PARD3B: variants seen among roughly 807,000 people sequenced by gnomAD.
The protein encoded by PARD3B is par-3 family cell polarity regulator beta, also known as partitioning defective 3 homolog B.
A neutral mutation model predicts 130.2 loss-of-function variants in PARD3B; 103 were observed. The observed-to-expected ratio is 0.79, with a 90% CI of 0.67 to 0.93. The LOEUF is 0.93. Among genes scored for constraint, PARD3B ranks in the 40% least tolerant of loss-of-function variants. The probability of loss-of-function intolerance (pLI) is 0.00; values close to 1 mark genes in which losing one functional copy is unlikely to be tolerated. For missense variants in PARD3B, 1,609 were observed against 1,499.2 expected, an observed-to-expected ratio of 1.07 and a Z score of -1.21; for synonymous variants, 583 against 553.2, an observed-to-expected ratio of 1.05 and a Z score of -0.76.
chr2:204,981,970 T>C (rs1692703604), intron 3 of PARD3B, among the ~76,000 whole-genome samples: 1 of 151,934 alleles, frequency 6.6e-6, no homozygotes, highest in African/African-American at 2.4e-5. Context: ...ATCAAGACAT[T>C]GTGTGTGTGT....
At chr2:204,726,365 G>T (rs1366601120) in intron 2 of PARD3B, among the ~76,000 whole-genome samples, 1 of 152,168 alleles carries the variant, frequency 6.6e-6, no homozygotes, top group African/African-American at 2.4e-5. Context: ...ACATTTTCAA[G>T]ATGGCACCCT....
chr2:204,740,509 G>T (rs2039965182), intron 2 of PARD3B, among the ~76,000 whole-genome samples: 1 of 152,180 alleles, frequency 6.6e-6, no homozygotes. Context: ...AGGAATTTAG[G>T]CAGGGTATGG....
At chr2:204,653,007 C>A (rs1436543935) in intron 1 of PARD3B, among the ~76,000 whole-genome samples, 1 of 151,018 alleles carries the variant, frequency 6.6e-6, no homozygotes, top group African/African-American at 2.5e-5. Flanking sequence ...TCTCCCGACA[C>A]ATGGGGATTA....
At chr2:204,952,727 G>T (rs567220150) in intron 2 of PARD3B, among the ~76,000 whole-genome samples, 5 of 152,060 alleles carry the variant, frequency 3.3e-5, no homozygotes, top group Non-Finnish European at 2.9e-5. Flanking sequence ...GGTCAGGCGC[G>T]GTGGCTCACG....
At chr2:204,773,135 T>C (rs13412019) in intron 2 of PARD3B, among the ~76,000 whole-genome samples, 14,934 of 151,956 alleles carry the variant, frequency 0.098, 1,364 homozygotes, top group African/African-American at 0.25. Context: ...TAAAAGATAA[T>C]TTTCTTTTTA....
At chr2:205,005,178 C>CACATAT (rs553443970) in intron 3 of PARD3B, among the ~76,000 whole-genome samples, 315 of 152,128 alleles carry the variant, frequency 2.1e-3, no homozygotes, top group African/African-American at 6.9e-3. Flanking sequence ...TACACACACA[C>CACATAT]ACATATACAC....
intron 3 of PARD3B, among the ~76,000 whole-genome samples, chr2:205,007,265 A>G (rs1695343558): frequency 6.6e-6 from 1 of 152,132 alleles, no homozygotes. Context: ...CTGAACTGTG[A>G]TTCAATTAAA....
At chr2:204,733,785 G>A (rs12987292) in intron 2 of PARD3B, among the ~76,000 whole-genome samples, 84,583 of 151,744 alleles carry the variant, frequency 0.56, 26,070 homozygotes, top group East Asian at 0.71. Context: ...TTAAGTGGAG[G>A]GAAAGGACAG....
At chr2:205,262,597 C>T (rs2105769122) in intron 16 of PARD3B, among the ~76,000 whole-genome samples, 2 of 152,168 alleles carry the variant, frequency 1.3e-5, no homozygotes, top group Middle Eastern at 6.8e-3. Context: ...GGGGAAGCAC[C>T]TTTTCCTATG....
intron 21 of PARD3B, among the ~76,000 whole-genome samples, chr2:205,520,212 A>G (rs749935556): frequency 6.6e-6 from 1 of 152,208 alleles, no homozygotes; most frequent in African/African-American, 2.4e-5. Context: ...GTAATCCCTC[A>G]GTGCAATCAG....
At chr2:205,566,871 C>A (rs1337348094) in intron 22 of PARD3B, among the ~76,000 whole-genome samples, 1 of 152,130 alleles carries the variant, frequency 6.6e-6, no homozygotes, top group African/African-American at 2.4e-5. Context: ...CTGCTTAGAT[C>A]GACAGCAAAG....
chr2:205,196,753 T>C (rs1253189586), intron 15 of PARD3B, among the ~76,000 whole-genome samples: 3 of 152,194 alleles, frequency 2.0e-5, no homozygotes, highest in East Asian at 3.9e-4. Flanking sequence ...TGAAATTTAG[T>C]CACATTGAAT....
chr2:205,057,018 C>A (rs980224789), intron 4 of PARD3B, among the ~76,000 whole-genome samples: 1 of 151,306 alleles, frequency 6.6e-6, no homozygotes, highest in Admixed American at 6.6e-5. Flanking sequence ...GTTTTGAGCA[C>A]CTGTCAAAAG....
At chr2:205,394,304 T>G (rs1291670822) in intron 18 of PARD3B, among the ~76,000 whole-genome samples, 1 of 152,214 alleles carries the variant, frequency 6.6e-6, no homozygotes, top group African/African-American at 2.4e-5. Context: ...TAAATTCTAC[T>G]AAGAGATCTC....
At chr2:204,681,335 T>C (rs1029405311) in intron 1 of PARD3B, among the ~76,000 whole-genome samples, 6 of 152,120 alleles carry the variant, frequency 3.9e-5, no homozygotes, top group African/African-American at 1.4e-4. Flanking sequence ...TAATTAAAGG[T>C]TTATAATTCT....
intron 16 of PARD3B, among the ~76,000 whole-genome samples, chr2:205,279,081 A>C (rs1345550685): frequency 3.3e-5 from 5 of 149,964 alleles, no homozygotes; most frequent in East Asian, 1.9e-4. Flanking sequence ...AAAAAAAAAA[A>C]AAAAAAAAAA....
chr2:204,610,889 A>G lies in PARD3B; in HGVS notation c.120+64770A>G, dbSNP rs1004103527. Among the ~76,000 whole-genome samples the G allele has an allele frequency of 3.9e-5, 6 of 152,200 alleles. No individual in the cohort carries two copies. Among genetic ancestry groups the G allele is most frequent in the African/African-American group, 9.6e-5 (4 of 41,456 alleles). ...ATTCAGTTGATATATGCTTGATACA[A>G]TTTACTCAGATTTTTGAAGATTCCA... On this transcript the variant is annotated intron_variant, in intron 1 of 22. Transcript: ENST00000406610. This position sits in a 1 kb window ranked among gnomAD's most constrained non-coding sequence, Gnocchi z 4.1.
chr2:205,182,658 A>G (rs771257291), intron 13 of PARD3B, among the ~76,000 whole-genome samples: 20 of 152,354 alleles, frequency 1.3e-4, no homozygotes, highest in Middle Eastern at 3.4e-3. Context: ...ATGCTATCCA[A>G]GAATTACTTT....
intron 2 of PARD3B, among the ~76,000 whole-genome samples, chr2:204,904,202 G>T (rs1172718813): frequency 6.6e-6 from 1 of 151,988 alleles, no homozygotes; most frequent in Admixed American, 6.5e-5. Context: ...AACCATTTCT[G>T]CATTCTTCAG....
Sources: gnomAD v4.1 joint callset for allele counts (sites outside exome capture counted in the v4.1 genomes callset) on GRCh38, gnomAD v4.1.1 for gene constraint, Gnocchi (gnomAD v3.1) non-coding constraint, MANE v1.5 for transcripts, NCBI Gene and HGNC (gene_info 2026-07-23, HGNC 2026-07-21) for gene names.